The following PCDHGB2 variants were observed in gnomAD, a reference collection of about 807,000 sequenced individuals.
PCDHGB2 encodes the protein protocadherin gamma subfamily B, 2, also known as protocadherin gamma-B2.
Under a neutral mutation model 59.3 loss-of-function variants are expected in PCDHGB2, and 55 were observed. The ratio of observed to expected loss-of-function variants is 0.93; its 90% CI spans 0.75 to 1.16. The LOEUF (loss-of-function observed/expected upper bound fraction) is 1.16, where lower values mean the gene tolerates loss of function less well. Among genes scored for constraint, PCDHGB2 ranks in the 50% most tolerant of loss-of-function variants. PCDHGB2 has a pLI of 0.00. For missense variants in PCDHGB2, 1,228 were observed against 1,198.5 expected (o/e 1.02, Z -0.36); for synonymous variants, 516 against 512.0 (o/e 1.01, Z -0.11).
In PCDHGB2 at chr5:141,431,570, G is replaced by A. The variant is rs754760314; in HGVS notation, c.2422-63237G>A. 7 of 1,614,172 alleles carry A rather than the reference G, an allele frequency of 4.3e-6. No individual in the cohort carries two copies. Among genetic ancestry groups the A allele is most frequent in the Non-Finnish European group, 5.9e-6 (7 of 1,180,024 alleles). ...TGTAGTCAACGCTACCGACCCTGAC[G>A]AAGGAGTCAATGCGGAAGTGAGGTA... On this transcript the variant is annotated intron_variant, in intron 1 of 3. Transcript: ENST00000522605. The surrounding 1 kb of genome is among the most constrained non-coding windows in gnomAD (Gnocchi z 4.8).
At chr5:141,379,328 C>T (rs1775531814) in intron 1 of PCDHGB2, 1 of 152,184 alleles carries the variant, frequency 6.6e-6, no homozygotes, top group African/African-American at 2.4e-5. Flanking sequence ...TAATCATACA[C>T]ATCTTCAAAG....
intron 1 of PCDHGB2, chr5:141,382,914 G>T: frequency 6.4e-7 from 1 of 1,552,980 alleles, no homozygotes; most frequent in South Asian, 1.2e-5. Context: ...CGGCTCAGCC[G>T]AGGGGCGGGG....
chr5:141,469,499 C>T lies in PCDHGB2; in HGVS notation c.2422-25308C>T, dbSNP rs1023274165. Among the ~76,000 whole-genome samples, 22 of 152,128 alleles carry T rather than the reference C, an allele frequency of 1.4e-4. 1 individual carries two copies. The highest frequency in any genetic ancestry group is 3.9e-4 in the African/African-American group (16 of 41,510). On this transcript the variant is annotated intron_variant, in intron 1 of 3. Coordinates refer to ENST00000522605, the MANE Select transcript of PCDHGB2 (RefSeq NM_018923.3). ...CTGAGGCAGGAGAATCGCTTGAACC[C>T]GGGAGGTGGAGGTTGCAGTGAGCCA...
rs774333465 is a variant in PCDHGB2 at position 141,365,744 on chromosome 5, T to A, written c.2421+3188T>A. On this transcript the variant is annotated intron_variant, in intron 1 of 3. Transcript: ENST00000522605. Reference sequence around the variant, plus strand: ...AAACAATCCCAGAGGTGTCTCTATCTTCTCTGTGACAGCCCATGACCCCGA... The same window carrying A: ...AAACAATCCCAGAGGTGTCTCTATCATCTCTGTGACAGCCCATGACCCCGA... 3.7e-6 allele frequency: 6 copies of A among 1,613,660 alleles called. No homozygotes were observed. Among genetic ancestry groups the A allele is most frequent in the Non-Finnish European group, 4.2e-6 (5 of 1,179,882 alleles).
intron 1 of PCDHGB2, among the ~76,000 whole-genome samples, chr5:141,460,979 GTGTGTATATA>G (rs143444831): frequency 0.04 from 5,417 of 134,264 alleles, 125 homozygotes; most frequent in South Asian, 0.082. Context: ...GTGTGTGTGT[GTGTGTATATA>G]TATATATGTG....
intron 1 of PCDHGB2, chr5:141,427,747 C>A (rs2097063869): frequency 1.6e-6 from 2 of 1,277,502 alleles, no homozygotes; most frequent in Non-Finnish European, 2.2e-6. Flanking sequence ...GTCTCCTACT[C>A]CATCGTTACC....
chr5:141,507,495 G>A (rs375483743), intron 3 of PCDHGB2, among the ~76,000 whole-genome samples: 5 of 152,352 alleles, frequency 3.3e-5, no homozygotes, highest in East Asian at 3.9e-4. Flanking sequence ...AGGCAGAGCT[G>A]TCCCAGGTCT....
intron 1 of PCDHGB2, among the ~76,000 whole-genome samples, chr5:141,434,467 T>C (rs1397980716): frequency 6.6e-6 from 1 of 152,226 alleles, no homozygotes; most frequent in Non-Finnish European, 1.5e-5. Flanking sequence ...TTTACCGGAA[T>C]GAGGGCAAGG....
At chr5:141,467,099 C>T (rs2099136810) in intron 1 of PCDHGB2, among the ~76,000 whole-genome samples, 1 of 149,976 alleles carries the variant, frequency 6.7e-6, no homozygotes, top group Admixed American at 6.7e-5. Context: ...GTCACACAGG[C>T]TGGAGTACAA....
At chr5:141,384,574 C>T in intron 1 of PCDHGB2, 1 of 1,614,228 alleles carries the variant, frequency 6.2e-7, no homozygotes, top group Non-Finnish European at 8.5e-7. Flanking sequence ...GAATGACAAC[C>T]CGCCCGAGAT....
intron 1 of PCDHGB2, chr5:141,418,830 G>A (rs371820904): frequency 1.2e-6 from 2 of 1,613,976 alleles, no homozygotes; most frequent in Non-Finnish European, 1.7e-6. Flanking sequence ...GCAAAAGACC[G>A]AGGATCTCTC....
Position 141,490,066 on chromosome 5 carries a change from C to G in PCDHGB2, c.2422-4741C>G. ...TGATCCAGACGAGGGCACCAACGGC[C>G]AACTAGACTATTCTTTTGGAGACCA... On this transcript the variant is annotated intron_variant, in intron 1 of 3. Coordinates refer to ENST00000522605, the MANE Select transcript of PCDHGB2 (RefSeq NM_018923.3). The surrounding 1 kb of genome is among the most constrained non-coding windows in gnomAD (Gnocchi z 5.4). The G allele has an allele frequency of 1.2e-6, 2 of 1,614,248 alleles. No individual in the cohort carries two copies. Among genetic ancestry groups the G allele is most frequent in the Non-Finnish European group, 1.7e-6 (2 of 1,180,034 alleles).
At position 141,476,717 on chromosome 5, in the gene PCDHGB2, G is replaced by A. The variant is rs2099397053; in HGVS notation, c.2422-18090G>A. 6.2e-7 allele frequency: 1 copy of A among 1,614,048 alleles called. No homozygotes were observed. The stretch of plus-strand genomic sequence containing the variant: ...GTACGCGGAGCTGGTGTTGGAGCGC[G>A]CCCTGGACCGAGAACGGGAGCCTAG... On this transcript the variant is annotated intron_variant, in intron 1 of 3. Transcript: ENST00000522605. This position sits in a 1 kb window ranked among gnomAD's most constrained non-coding sequence, Gnocchi z 7.6.
At chr5:141,388,324 A>T in intron 1 of PCDHGB2, 1 of 1,613,978 alleles carries the variant, frequency 6.2e-7, no homozygotes, top group East Asian at 2.2e-5. Flanking sequence ...GAGTCTGCAC[A>T]GCCTGGCACA....
In PCDHGB2 at chr5:141,420,134, G is replaced by A. The variant is rs769225630; in HGVS notation, c.2421+57578G>A. The A allele has an allele frequency of 1.1e-5, 18 of 1,613,952 alleles. No homozygotes were observed. Among genetic ancestry groups the A allele is most frequent in the Non-Finnish European group, 1.4e-5 (17 of 1,179,876 alleles). Reference sequence around the variant, plus strand: ...TGCCTATAATTTTTGTGTGCCTGGGGATCAAATGAATCCAGAATTTAATTT... The same window carrying A: ...TGCCTATAATTTTTGTGTGCCTGGGAATCAAATGAATCCAGAATTTAATTT... On this transcript the variant is annotated intron_variant, in intron 1 of 3. Coordinates refer to ENST00000522605, the MANE Select transcript of PCDHGB2 (RefSeq NM_018923.3).
chr5:141,433,397 A>ATCTG (rs1179042498), intron 1 of PCDHGB2, among the ~76,000 whole-genome samples: 9 of 150,410 alleles, frequency 6.0e-5, no homozygotes, highest in Non-Finnish European at 1.0e-4. Context: ...CTATCTATCT[A>ATCTG]TCTATCTATT....
chr5:141,361,665 G>C lies in PCDHGB2; in HGVS notation c.1530G>C (p.Gln510His). The C allele has an allele frequency of 1.2e-6, 2 of 1,613,696 alleles. No homozygotes were observed. Among genetic ancestry groups the C allele is most frequent in the Non-Finnish European group, 1.7e-6 (2 of 1,179,910 alleles). ...TATCCTACGTGTCCGTGAGCGCGCA[G>C]AGCGGGGTGGTGTTCGCGCAGCGCG... is the stretch of plus-strand genomic sequence containing the variant. ...EILSYVSVSAQSGVVFAQRAF... is the reference protein window; with the variant it reads ...EILSYVSVSAHSGVVFAQRAF... The change falls in exon 1 of 4, where the codon CAG (glutamine) becomes CAC (histidine). Residue 510 changes from glutamine (Q) to histidine (H), a missense_variant. Gln to His is a conservative substitution (Grantham distance 24). Around this residue, in one of 3 missense-constraint regions of PCDHGB2, gnomAD observed 781 missense variants for 721.6 expected, o/e 1.08. Coordinates refer to ENST00000522605, the MANE Select transcript of PCDHGB2 (RefSeq NM_018923.3).
intron 1 of PCDHGB2, among the ~76,000 whole-genome samples, chr5:141,396,957 T>C (rs1169025850): frequency 6.6e-6 from 1 of 152,214 alleles, no homozygotes; most frequent in East Asian, 1.9e-4. Flanking sequence ...AGAAAATCCT[T>C]ACTCTCCCTA....
rs1247067983 is a variant in PCDHGB2, at chr5:141,511,327, C to T, written c.*154C>T. ...CCCTTGGGAAACAGAAACAAGTGCC[C>T]AGTCAGCACCTACCCCTTCCCCCCC... On this transcript the variant is annotated 3_prime_UTR_variant, in exon 4 of 4. Transcript: ENST00000522605. 28 of 1,455,454 alleles carry T rather than the reference C, an allele frequency of 1.9e-5. No individual in the cohort carries two copies. Among genetic ancestry groups the T allele is most frequent in the Admixed American group, 2.4e-5 (1 of 41,734 alleles). 90.2% of individuals were successfully genotyped at this position (1,455,454 alleles called of 1,614,324 possible). A position where few individuals can be genotyped will look rare whatever the true frequency, so the allele number is the denominator to read the frequency against.
Sources: allele counts gnomAD v4.1 joint callset (sites outside exome capture counted in the v4.1 genomes callset), GRCh38; gene constraint gnomAD v4.1.1; regional missense constraint gnomAD v4.1.1; non-coding constraint Gnocchi (gnomAD v3.1); transcripts MANE v1.5; gene names NCBI Gene and HGNC (gene_info 2026-07-23, HGNC 2026-07-21).